Variants in CACNA2D3 observed in about 807,000 individuals in gnomAD.
CACNA2D3 encodes voltage-dependent calcium channel subunit alpha-2/delta-3.
In CACNA2D3, 60 loss-of-function variants were observed where a neutral mutation model predicts 160.6. The observed-to-expected ratio is 0.37, with a 90% CI of 0.30 to 0.46. The LOEUF (loss-of-function observed/expected upper bound fraction) is 0.46. Ranked by LOEUF, CACNA2D3 falls within the 20% of genes least tolerant of loss-of-function variation. The probability of loss-of-function intolerance (pLI) is 1.00; values close to 1 mark genes in which losing one functional copy is unlikely to be tolerated. For synonymous variants in CACNA2D3, 558 were observed against 492.9 expected, an observed-to-expected ratio of 1.13 and a Z score of -1.75; for missense variants, 1,205 against 1,365.0, an observed-to-expected ratio of 0.88 and a Z score of 1.85.
At chr3:54,520,003 C>T (rs1330656347) in intron 5 of CACNA2D3, among the ~76,000 whole-genome samples, 1 of 152,220 alleles carries the variant, frequency 6.6e-6, no homozygotes, top group East Asian at 1.9e-4. Flanking sequence ...GCTGTGTCTG[C>T]ATTAAGAATA....
intron 11 of CACNA2D3, among the ~76,000 whole-genome samples, chr3:54,703,564 C>A (rs1700805321): frequency 6.6e-6 from 1 of 152,122 alleles, no homozygotes; most frequent in South Asian, 2.1e-4. Context: ...AGTGAAGGTT[C>A]AATAACCGTT....
intron 14 of CACNA2D3, among the ~76,000 whole-genome samples, chr3:54,828,805 A>C (rs559700181): frequency 1.3e-5 from 2 of 152,342 alleles, no homozygotes; most frequent in Non-Finnish European, 2.9e-5. Flanking sequence ...AGAATATGGA[A>C]TCTCCAGATC....
intron 34 of CACNA2D3, among the ~76,000 whole-genome samples, chr3:55,015,585 C>T (rs913451464): frequency 6.6e-6 from 1 of 152,156 alleles, no homozygotes; most frequent in Non-Finnish European, 1.5e-5. Context: ...TCAAGGGACT[C>T]ACTTTTTGAA....
chr3:54,826,419 A>G (rs1379955749), intron 14 of CACNA2D3, among the ~76,000 whole-genome samples: 1 of 152,242 alleles, frequency 6.6e-6, no homozygotes, highest in Non-Finnish European at 1.5e-5. Context: ...CAAATTAACT[A>G]GAAGGATTTT....
intron 2 of CACNA2D3, among the ~76,000 whole-genome samples, chr3:54,272,121 G>T (rs979079279): frequency 6.6e-6 from 1 of 152,178 alleles, no homozygotes; most frequent in Admixed American, 6.5e-5. Context: ...ATATCCATGG[G>T]CTACAGCTGG....
chr3:54,170,088 T>C (rs189411920), intron 2 of CACNA2D3, among the ~76,000 whole-genome samples: 4 of 150,772 alleles, frequency 2.7e-5, no homozygotes, highest in African/African-American at 4.9e-5. Context: ...CTTGGGAGGC[T>C]GAGGCAGGAC....
At chr3:54,573,358 T>C (rs1702530313) in intron 8 of CACNA2D3, among the ~76,000 whole-genome samples, 1 of 152,240 alleles carries the variant, frequency 6.6e-6, no homozygotes, top group African/African-American at 2.4e-5. Context: ...CATTGCTTTT[T>C]AATGTAGGCA....
At chr3:54,849,751 G>C (rs1277718214) in intron 17 of CACNA2D3, among the ~76,000 whole-genome samples, 1 of 152,200 alleles carries the variant, frequency 6.6e-6, no homozygotes, top group East Asian at 1.9e-4. Flanking sequence ...GTGAGTGTGA[G>C]TGTGGGGTTG....
At chr3:54,423,787 C>G (rs1209120538) in intron 4 of CACNA2D3, among the ~76,000 whole-genome samples, 3 of 152,186 alleles carry the variant, frequency 2.0e-5, no homozygotes, top group African/African-American at 7.2e-5. Context: ...GCGTTAGGAA[C>G]TAGGCCCACC....
At chr3:54,536,980 C>A (rs567971501) in intron 5 of CACNA2D3, among the ~76,000 whole-genome samples, 1 of 152,072 alleles carries the variant, frequency 6.6e-6, no homozygotes, top group Non-Finnish European at 1.5e-5. Context: ...CAGACTGTTG[C>A]GCATGAATAA....
chr3:54,636,244 T>A (rs1227094679), intron 10 of CACNA2D3, among the ~76,000 whole-genome samples: 1 of 151,804 alleles, frequency 6.6e-6, no homozygotes, highest in Non-Finnish European at 1.5e-5. Flanking sequence ...CATCAATAAA[T>A]CAAGCGTGAT....
chr3:54,213,945 T>C (rs12492115), intron 2 of CACNA2D3, among the ~76,000 whole-genome samples: 7,386 of 152,256 alleles, frequency 0.049, 297 homozygotes, highest in East Asian at 0.22. Flanking sequence ...GGCCCAGGAA[T>C]CAGTTGAGTG....
At chr3:54,388,580 T>C (rs1027914064) in intron 4 of CACNA2D3, among the ~76,000 whole-genome samples, 1 of 152,224 alleles carries the variant, frequency 6.6e-6, no homozygotes, top group Non-Finnish European at 1.5e-5. Context: ...AGTCGGCAGC[T>C]GGCCCAGCTC....
chr3:54,957,161 A>C (rs1438210675), intron 27 of CACNA2D3, among the ~76,000 whole-genome samples: 2 of 67,290 alleles, frequency 3.0e-5, no homozygotes, highest in African/African-American at 5.3e-5. Flanking sequence ...TTATAAAATA[A>C]TTTTCTTTTT....
chr3:54,755,229 A>C (rs1157444424), intron 12 of CACNA2D3, among the ~76,000 whole-genome samples: 7 of 152,106 alleles, frequency 4.6e-5, no homozygotes, highest in Non-Finnish European at 1.0e-4. Flanking sequence ...TATGGTACCC[A>C]GCTTGGGCCA....
rs1699536831 is a variant in CACNA2D3 at position 54,871,639 on chromosome 3, CA to C, written c.1710+18del. On this transcript the variant is annotated intron_variant, in intron 18 of 37. Coordinates refer to ENST00000474759, the MANE Select transcript of CACNA2D3 (RefSeq NM_018398.3). The stretch of plus-strand genomic sequence containing the variant: ...GATGACGTGGTAAGTGATTTGTTTT[CA>C]GGCCTCGTGGAGAAGGACCTGCATT... 1 of 1,592,764 alleles carries C rather than the reference CA, an allele frequency of 6.3e-7. No individual in the cohort carries two copies. The highest frequency in any genetic ancestry group is 2.2e-5 in the East Asian group (1 of 44,758).
chr3:54,337,939 A>G (rs988030901), intron 3 of CACNA2D3, among the ~76,000 whole-genome samples: 2 of 152,078 alleles, frequency 1.3e-5, no homozygotes, highest in Non-Finnish European at 2.9e-5. Flanking sequence ...CTTTTTGGTT[A>G]TTAAGACACA....
chr3:54,539,323 T>G (rs1220227902), intron 5 of CACNA2D3, among the ~76,000 whole-genome samples: 24 of 152,244 alleles, frequency 1.6e-4, no homozygotes, highest in Admixed American at 1.6e-3. Flanking sequence ...TGTTATTTTT[T>G]TAGGGAGATG....
chr3:54,460,706 T>A (rs1700487396), intron 4 of CACNA2D3, among the ~76,000 whole-genome samples: 1 of 152,190 alleles, frequency 6.6e-6, no homozygotes. Flanking sequence ...AGATATACAA[T>A]CATGTCATCT....
Sources: allele counts gnomAD v4.1 joint callset (sites outside exome capture counted in the v4.1 genomes callset), GRCh38; gene constraint gnomAD v4.1.1; transcripts MANE v1.5; gene names NCBI Gene and HGNC (gene_info 2026-07-23, HGNC 2026-07-21).